SGCZ: variants seen among roughly 807,000 people sequenced by gnomAD.
SGCZ encodes sarcoglycan zeta.
Under a neutral mutation model 41.3 loss-of-function variants are expected in SGCZ, and 40 were observed. That is an observed-to-expected ratio of 0.97 (90% CI 0.75 to 1.26). SGCZ has a LOEUF of 1.26. Ranked by LOEUF, SGCZ falls within the 50% of genes most tolerant of loss-of-function variation. The pLI, the probability that SGCZ is intolerant of heterozygous loss-of-function variation, is 0.00. For synonymous variants in SGCZ, 206 were observed against 137.5 expected (o/e 1.50, Z -3.49); for missense variants, 552 against 369.8 (o/e 1.49, Z -4.04).
At chr8:14,702,822 TAGATAGATAGATAG>T (rs1809193267) in intron 1 of SGCZ, among the ~76,000 whole-genome samples, 3 of 9,096 alleles carry the variant, frequency 3.3e-4, no homozygotes, top group Admixed American at 2.7e-3. Flanking sequence ...GGTAGATAGA[TAGATAGATAGATAG>T]ATAGATAGAT....
At chr8:14,408,949 G>A (rs1286632732) in intron 2 of SGCZ, among the ~76,000 whole-genome samples, 1 of 101,202 alleles carries the variant, frequency 9.9e-6, no homozygotes, top group Non-Finnish European at 1.8e-5. Flanking sequence ...TTTAAATTAA[G>A]AGAGTGTGTG....
intron 1 of SGCZ, among the ~76,000 whole-genome samples, chr8:14,653,637 G>C (rs538454699): frequency 6.6e-6 from 1 of 151,964 alleles, no homozygotes; most frequent in African/African-American, 2.4e-5. Flanking sequence ...ATGTCTATAA[G>C]CGACCATGCT....
At chr8:14,310,712 C>T (rs901756988) in intron 3 of SGCZ, among the ~76,000 whole-genome samples, 1 of 152,026 alleles carries the variant, frequency 6.6e-6, no homozygotes, top group Non-Finnish European at 1.5e-5. Context: ...CCTTTTATTC[C>T]TCCATCTTTA....
intron 1 of SGCZ, among the ~76,000 whole-genome samples, chr8:14,725,626 T>G (rs1437139118): frequency 6.6e-6 from 1 of 152,204 alleles, no homozygotes; most frequent in Non-Finnish European, 1.5e-5. Context: ...GCAAATTTAA[T>G]GAACATTTTT....
intron 2 of SGCZ, among the ~76,000 whole-genome samples, chr8:14,372,273 A>G (rs1376402363): frequency 3.9e-5 from 6 of 152,204 alleles, no homozygotes; most frequent in African/African-American, 1.4e-4. Context: ...ACCTTGTGCT[A>G]TAGGTTGAAG....
At chr8:14,413,003 A>G (rs7461141) in intron 2 of SGCZ, among the ~76,000 whole-genome samples, 48,081 of 151,826 alleles carry the variant, frequency 0.32, 7,733 homozygotes, top group Admixed American at 0.36. Context: ...TTTGTTATAA[A>G]GGACAACAGT....
In SGCZ at chr8:15,223,899, C is replaced by T. The variant is rs550912347; in HGVS notation, c.39+13686G>A. Among the ~76,000 whole-genome samples the T allele has an allele frequency of 2.3e-3, 343 of 148,718 alleles. 3 individuals are homozygous for T. The highest frequency in any genetic ancestry group is 7.1e-3 in the African/African-American group (272 of 38,254). ...TTATTTATTGAGACAGAGTCTCACT[C>T]GGCAGAGTGCAACGGTGCAATCTCA... On this transcript the variant is annotated intron_variant, in intron 1 of 7. Transcript: ENST00000382080.
chr8:14,283,228 C>A (rs189589019), intron 3 of SGCZ, among the ~76,000 whole-genome samples: 2 of 152,152 alleles, frequency 1.3e-5, no homozygotes, highest in Non-Finnish European at 2.9e-5. Context: ...CTATCTAGCT[C>A]ATATTTCTTT....
At chr8:14,927,360 C>T (rs1421845226) in intron 1 of SGCZ, among the ~76,000 whole-genome samples, 3 of 151,128 alleles carry the variant, frequency 2.0e-5, no homozygotes, top group East Asian at 2.0e-4. Context: ...CCGCCCGCCT[C>T]GGCCTCCCAA....
At chr8:15,011,732 G>T (rs957814173) in intron 1 of SGCZ, among the ~76,000 whole-genome samples, 1 of 152,086 alleles carries the variant, frequency 6.6e-6, no homozygotes, top group Non-Finnish European at 1.5e-5. Flanking sequence ...GAAAAATCAT[G>T]TCTGCTTAAA....
chr8:14,443,431 C>G (rs1359387568), intron 2 of SGCZ, among the ~76,000 whole-genome samples: 1 of 152,064 alleles, frequency 6.6e-6, no homozygotes, highest in East Asian at 1.9e-4. Flanking sequence ...CTACAGTAAC[C>G]AAAACAGCAT....
intron 5 of SGCZ, among the ~76,000 whole-genome samples, chr8:14,128,134 G>T (rs1273404802): frequency 6.6e-6 from 1 of 152,152 alleles, no homozygotes; most frequent in African/African-American, 2.4e-5. Context: ...TACACTGCTG[G>T]TGGGAGTGTA....
chr8:15,030,181 C>A (rs182832829), intron 1 of SGCZ, among the ~76,000 whole-genome samples: 2 of 152,066 alleles, frequency 1.3e-5, no homozygotes, highest in Admixed American at 1.3e-4. Flanking sequence ...CCTTAAAGGG[C>A]GCTGAAAATA....
chr8:14,654,830 G>C (rs1807510689), intron 1 of SGCZ, among the ~76,000 whole-genome samples: 1 of 151,156 alleles, frequency 6.6e-6, no homozygotes, highest in African/African-American at 2.4e-5. Flanking sequence ...CATGCACAAA[G>C]AACAATTTCT....
At chr8:14,152,436 G>A (rs968742238) in intron 5 of SGCZ, among the ~76,000 whole-genome samples, 1 of 152,132 alleles carries the variant, frequency 6.6e-6, no homozygotes, top group African/African-American at 2.4e-5. Flanking sequence ...GGATGAGCTG[G>A]GAGGATCGCT....
chr8:14,461,445 G>T lies in SGCZ; in HGVS notation c.234+93287C>A, dbSNP rs923219241. Among the ~76,000 whole-genome samples the T allele has an allele frequency of 7.9e-5, 12 of 151,964 alleles. 1 individual carries two copies. The highest frequency in any genetic ancestry group is 1.9e-4 in the African/African-American group (8 of 41,382). On this transcript the variant is annotated intron_variant, in intron 2 of 7. Coordinates refer to ENST00000382080, the MANE Select transcript of SGCZ (RefSeq NM_139167.4). ...CAGTTAACACTTGCTGCTCAAAATG[G>T]GTACTGTAGAGCCTTTTAGAAATGC...
At chr8:14,378,296 T>C (rs1397075388) in intron 2 of SGCZ, among the ~76,000 whole-genome samples, 1 of 152,128 alleles carries the variant, frequency 6.6e-6, no homozygotes, top group Non-Finnish European at 1.5e-5. Flanking sequence ...GTGAGCATTT[T>C]TTCATGTGTT....
intron 1 of SGCZ, among the ~76,000 whole-genome samples, chr8:14,790,860 G>T (rs1051155275): frequency 2.0e-5 from 3 of 151,788 alleles, no homozygotes; most frequent in African/African-American, 4.8e-5. Context: ...GTGAAACTCG[G>T]TCTCTACTAA....
intron 1 of SGCZ, among the ~76,000 whole-genome samples, chr8:14,998,360 G>T (rs563186575): frequency 1.3e-5 from 2 of 152,316 alleles, no homozygotes; most frequent in African/African-American, 2.4e-5. Context: ...GTTCTGGGTT[G>T]TAGCTATAAG....
Sources: gnomAD v4.1 joint callset for allele counts (sites outside exome capture counted in the v4.1 genomes callset) on GRCh38, gnomAD v4.1.1 for gene constraint, MANE v1.5 for transcripts, NCBI Gene and HGNC (gene_info 2026-07-23, HGNC 2026-07-21) for gene names.